The following ZER1 variants were observed in gnomAD, a reference collection of about 807,000 sequenced individuals.
The protein encoded by ZER1 is zyg-11 related cell cycle regulator.
Under a neutral mutation model 78.8 loss-of-function variants are expected in ZER1, and 11 were observed. The ratio of observed to expected loss-of-function variants is 0.14; its 90% confidence interval spans 0.09 to 0.23. ZER1 has a LOEUF of 0.23. ZER1 is among the 10% of genes least tolerant of loss of function. The probability of loss-of-function intolerance (pLI) is 1.00; values close to 1 mark genes in which losing one functional copy is unlikely to be tolerated. For synonymous variants in ZER1, 400 were observed against 407.0 expected, an observed-to-expected ratio of 0.98 and a Z score of 0.21; for missense variants, 588 against 996.9, an observed-to-expected ratio of 0.59 and a Z score of 5.52.
rs1222141925 is a variant in ZER1 at position 128,755,243 on chromosome 9, ATACACCAC to A, written c.158+157_158+164del. 1.3e-5 allele frequency among the ~76,000 whole-genome samples: 2 copies of A among 151,982 alleles called. No individual in the cohort carries two copies. Among genetic ancestry groups the A allele is most frequent in the Admixed American group, 1.3e-4 (2 of 15,238 alleles). The stretch of plus-strand genomic sequence containing the variant: ...CACATATACACCTTTACGGTTATGG[ATACACCAC>A]TATTCTCTTGCAGCCATGAACATCC... On this transcript the variant is annotated intron_variant, in intron 2 of 15. Coordinates refer to ENST00000291900, the MANE Select transcript of ZER1 (RefSeq NM_006336.4). This position sits in a 1 kb window ranked among gnomAD's most constrained non-coding sequence, Gnocchi z 5.6.
Position 128,740,156 on chromosome 9 carries a change from C to T in ZER1, c.1854-37G>A, listed in dbSNP as rs75464274. Reference sequence around the variant, plus strand: ...AAGACAGAAAAATGGAGTCCCACTCCCCCAGTTTCTCTTCAGATACCAGCG... The same window carrying T: ...AAGACAGAAAAATGGAGTCCCACTCTCCCAGTTTCTCTTCAGATACCAGCG... On this transcript the variant is annotated intron_variant, in intron 12 of 15. Coordinates refer to ENST00000291900, the MANE Select transcript of ZER1 (RefSeq NM_006336.4). The surrounding 1 kb of genome is among the most constrained non-coding windows in gnomAD (Gnocchi z 4.4). The T allele has an allele frequency of 1.2e-3, 1,848 of 1,550,298 alleles. 38 individuals carry two copies. In the East Asian group the frequency reaches 0.035, roughly 29 times the overall value.
At chr9:128,760,255 T>G (rs1242523498) in intron 1 of ZER1, among the ~76,000 whole-genome samples, 1 of 151,868 alleles carries the variant, frequency 6.6e-6, no homozygotes, top group South Asian at 2.1e-4. Flanking sequence ...CAGGCTGGAG[T>G]GCAGTGGGGC....
At chr9:128,744,329 T>A (rs528580351) in intron 8 of ZER1, among the ~76,000 whole-genome samples, 2 of 151,904 alleles carry the variant, frequency 1.3e-5, no homozygotes, top group Admixed American at 1.3e-4. Flanking sequence ...GTAGCTGGGA[T>A]TATAGGTGCG....
At position 128,752,684 on chromosome 9, in the gene ZER1, C is replaced by G. The variant is rs370978823; in HGVS notation, c.912G>C (p.Ala304=). 3 of 1,612,618 alleles carry G rather than the reference C, an allele frequency of 1.9e-6. No homozygotes were observed. The highest frequency in any genetic ancestry group is 1.7e-4 in the Middle Eastern group (1 of 5,984). ...NCSISKMEEE[A]GQTSIEPSKS... Reference sequence around the variant, plus strand: ...GGCTGGGGCCCCACCTGGTCTGCCCCGCTTCCTCTTCCATCTTGGAGATGC... The same window carrying G: ...GGCTGGGGCCCCACCTGGTCTGCCCGGCTTCCTCTTCCATCTTGGAGATGC... Residue 304 remains alanine, a synonymous_variant, in exon 5 of 16, where the codon GCG becomes GCC. Transcript: ENST00000291900.
chr9:128,750,132 G>C (rs1863626814), intron 8 of ZER1, among the ~76,000 whole-genome samples: 1 of 152,222 alleles, frequency 6.6e-6, no homozygotes, highest in South Asian at 2.1e-4. Context: ...TATACAAACA[G>C]TATGCAGTTT....
Position 128,752,916 on chromosome 9 carries a change from A to G in ZER1, c.747-67T>C, listed in dbSNP as rs906866878. On this transcript the variant is annotated intron_variant, in intron 4 of 15. Transcript: ENST00000291900. ...AGGGTGGGGCTGCCTTGCAGATCCC[A>G]GCTCCTTTAGTCTGTAGCAGGGGAG... The G allele has an allele frequency of 2.5e-5, 38 of 1,543,960 alleles. No homozygotes were observed. In the African/African-American group the frequency reaches 4.1e-4, roughly 17 times the overall value.
intron 15 of ZER1, chr9:128,733,196 GA>G: frequency 2.1e-6 from 1 of 479,812 alleles, no homozygotes. Context: ...GCTTACAAAC[GA>G]GGGCCCTGAT....
chr9:128,765,838 GAA>G (rs777421406), intron 1 of ZER1, among the ~76,000 whole-genome samples: 1 of 152,290 alleles, frequency 6.6e-6, no homozygotes, highest in East Asian at 1.9e-4. Flanking sequence ...ACCTGGCTCT[GAA>G]AAGTCTGCAG....
At chr9:128,735,761 G>T (rs10988107) in intron 13 of ZER1, among the ~76,000 whole-genome samples, 25,360 of 26,804 alleles carry the variant, frequency 0.95, 12,248 homozygotes, top group South Asian at 0.96. Context: ...GTGTGACCTG[G>T]TTTTTTTTTT....
At chr9:128,742,813 A>C (rs10739731) in intron 8 of ZER1, 68 bp from the exon 9 acceptor site, 1,494,799 of 1,495,826 alleles carry the variant, frequency 1, 746,894 homozygotes, top group East Asian at 1. Context: ...TCTAGGAACT[A>C]TCTAGAGGTA....
At chr9:128,731,827 G>A (rs1053682063) in intron 15 of ZER1, among the ~76,000 whole-genome samples, 5 of 152,220 alleles carry the variant, frequency 3.3e-5, no homozygotes, top group African/African-American at 4.8e-5. Context: ...CTAGAGGCCC[G>A]GATCCAGTGG....
intron 8 of ZER1, among the ~76,000 whole-genome samples, chr9:128,747,370 C>T (rs779324625): frequency 6.6e-6 from 1 of 152,152 alleles, no homozygotes; most frequent in Non-Finnish European, 1.5e-5. Flanking sequence ...GGCTGTTTCA[C>T]ACACTGGGCA....
At position 128,753,029 on chromosome 9, in the gene ZER1, T is replaced by A; in HGVS notation, c.746+135A>T. 8.3e-7 allele frequency: 1 copy of A among 1,199,188 alleles called. No homozygotes were observed. The highest frequency in any genetic ancestry group is 1.1e-6 in the Non-Finnish European group (1 of 876,518). The allele number at this position is 1,199,188 out of a possible 1,614,324, so 74.3% of individuals were successfully genotyped here. On this transcript the variant is annotated intron_variant, in intron 4 of 15. Coordinates refer to ENST00000291900, the MANE Select transcript of ZER1 (RefSeq NM_006336.4). The surrounding 1 kb of genome is among the most constrained non-coding windows in gnomAD (Gnocchi z 7.5). ...CAGCTGAAACACTGGGTTTAAGGAA[T>A]GGGACTGTGTCTTCATCCCCACCCT...
intron 1 of ZER1, 25 bp downstream of exon 1, chr9:128,771,556 C>T (rs1864384570): frequency 6.6e-6 from 1 of 152,434 alleles, no homozygotes; most frequent in African/African-American, 2.4e-5. Context: ...CAGGTACGTC[C>T]CTTGGCCCGG....
intron 1 of ZER1, among the ~76,000 whole-genome samples, chr9:128,757,425 G>A (rs1472602853): frequency 6.6e-6 from 1 of 152,048 alleles, no homozygotes; most frequent in African/African-American, 2.4e-5. Context: ...GGGAGGCTGA[G>A]GTGGGAGGAT....
At chr9:128,759,580 G>A (rs1751357247) in intron 1 of ZER1, among the ~76,000 whole-genome samples, 1 of 151,998 alleles carries the variant, frequency 6.6e-6, no homozygotes, top group Admixed American at 6.5e-5. Context: ...TGGATCATGA[G>A]GTCAGGAGAT....
intron 13 of ZER1, among the ~76,000 whole-genome samples, chr9:128,736,104 A>C (rs750250884): frequency 1.3e-5 from 2 of 151,562 alleles, no homozygotes; most frequent in Non-Finnish European, 2.9e-5. Flanking sequence ...GCCTACCACC[A>C]AACCCGGCTA....
chr9:128,742,118 A>G (rs1156810870), intron 9 of ZER1, among the ~76,000 whole-genome samples: 5 of 152,216 alleles, frequency 3.3e-5, no homozygotes, highest in African/African-American at 1.2e-4. Context: ...CTTCGCTGCC[A>G]TCAAATGAGA....
intron 14 of ZER1, among the ~76,000 whole-genome samples, chr9:128,734,298 A>G (rs1862982078): frequency 1.4e-5 from 2 of 146,498 alleles, no homozygotes; most frequent in South Asian, 4.5e-4. Context: ...CTGGGTTCAA[A>G]CGATTATTTT....
Sources: gnomAD v4.1 joint callset for allele counts (sites outside exome capture counted in the v4.1 genomes callset) on GRCh38, gnomAD v4.1.1 for gene constraint, Gnocchi (gnomAD v3.1) non-coding constraint, MANE v1.5 for transcripts, NCBI Gene and HGNC (gene_info 2026-07-23, HGNC 2026-07-21) for gene names.